The following C12orf50 variants were observed in gnomAD, a reference collection of about 807,000 sequenced individuals.
C12orf50 encodes zinc finger CCCH-type containing 11D.
A neutral mutation model predicts 61.6 loss-of-function variants in C12orf50; 35 were observed. That is an observed-to-expected ratio of 0.57 (90% CI 0.43 to 0.75). The LOEUF is 0.75. Among genes scored for constraint, C12orf50 ranks in the 30% least tolerant of loss-of-function variants. The probability of loss-of-function intolerance (pLI) is 0.00; values close to 1 mark genes in which losing one functional copy is unlikely to be tolerated. For synonymous variants in C12orf50, 178 were observed against 161.5 expected (o/e 1.10, Z -0.77); for missense variants, 475 against 488.5 (o/e 0.97, Z 0.26).
chr12:87,995,988 A>G (rs1270425908), intron 6 of C12orf50, among the ~76,000 whole-genome samples: 1 of 152,234 alleles, frequency 6.6e-6, no homozygotes, highest in Non-Finnish European at 1.5e-5. Context: ...CTGTTCTGCC[A>G]CTAGTGTCAT....
At chr12:88,002,729 C>T (rs931371856) in intron 3 of C12orf50, among the ~76,000 whole-genome samples, 2 of 151,574 alleles carry the variant, frequency 1.3e-5, no homozygotes, top group African/African-American at 4.8e-5. Flanking sequence ...TTTAGGTACA[C>T]TATTTTACTT....
chr12:87,999,226 C>T (rs1048462879), intron 3 of C12orf50, among the ~76,000 whole-genome samples: 2 of 152,042 alleles, frequency 1.3e-5, no homozygotes, highest in Non-Finnish European at 2.9e-5. Context: ...TAAATAAGAT[C>T]CAGCCTGGGC....
chr12:87,993,093 T>G (rs541285285), intron 7 of C12orf50, among the ~76,000 whole-genome samples: 1 of 152,164 alleles, frequency 6.6e-6, no homozygotes, highest in South Asian at 2.1e-4. Context: ...TGGAATTTTT[T>G]AAATATTCTT....
At chr12:87,997,633 A>G (rs879946281) in intron 4 of C12orf50, among the ~76,000 whole-genome samples, 2 of 151,216 alleles carry the variant, frequency 1.3e-5, no homozygotes, top group African/African-American at 4.9e-5. Flanking sequence ...TCATTGTTCA[A>G]CTCCCACCTA....
intron 12 of C12orf50, among the ~76,000 whole-genome samples, chr12:87,981,420 C>T (rs147454757): frequency 6.6e-6 from 1 of 152,220 alleles, no homozygotes; most frequent in Non-Finnish European, 1.5e-5. Context: ...GTATCTTAAT[C>T]ACCTGGGAAT....
At chr12:87,983,034 T>A (rs1483195575) in intron 12 of C12orf50, 69 bp downstream of exon 12, 1 of 882,560 alleles carries the variant, frequency 1.1e-6, no homozygotes, top group Non-Finnish European at 1.7e-6. Flanking sequence ...TCTAAAACAC[T>A]CCTTGCACTT....
rs775866275 is a variant in C12orf50 at position 88,028,251 on chromosome 12, T to C, written c.-109+1089A>G. On this transcript the variant is annotated intron_variant, in intron 1 of 12. Coordinates refer to ENST00000298699, the MANE Select transcript of C12orf50 (RefSeq NM_152589.3). ...CCCACCTGGGACATGAAATCTGTTATTATTCTTTATTATCCTAGCATTTAA... is the reference window on the plus strand; with the variant it reads ...CCCACCTGGGACATGAAATCTGTTACTATTCTTTATTATCCTAGCATTTAA... Among the ~76,000 whole-genome samples, 184 of 152,294 alleles carry C rather than the reference T, an allele frequency of 1.2e-3. 1 individual carries two copies. The highest frequency in any genetic ancestry group is 2.4e-3 in the Non-Finnish European group (161 of 68,010).
chr12:88,026,017 A>C (rs555883073), intron 3 of C12orf50, among the ~76,000 whole-genome samples: 1 of 152,174 alleles, frequency 6.6e-6, no homozygotes, highest in Non-Finnish European at 1.5e-5. Context: ...TTCCACAATT[A>C]AAGTGTTAGA....
In C12orf50 at chr12:88,018,155, G is replaced by A. The variant is rs563645725; in HGVS notation, c.133+8333C>T. Among the ~76,000 whole-genome samples, 5 of 152,244 alleles carry A rather than the reference G, an allele frequency of 3.3e-5. No individual in the cohort carries two copies. The South Asian group carries it at 1.0e-3, about 32-fold the overall frequency. ...CTCCTATCACAGGCCCAGAGACCTA[G>A]GAGGACAAAATGGTTTCATGGGCTA... On this transcript the variant is annotated intron_variant, in intron 3 of 12. Coordinates refer to ENST00000298699, the MANE Select transcript of C12orf50 (RefSeq NM_152589.3).
chr12:87,981,413 T>C (rs2030462718), intron 12 of C12orf50, among the ~76,000 whole-genome samples: 1 of 152,154 alleles, frequency 6.6e-6, no homozygotes. Context: ...TTAATGTGTA[T>C]CTTAATCACC....
chr12:87,999,705 A>T (rs1288843764), intron 3 of C12orf50, among the ~76,000 whole-genome samples: 1 of 152,160 alleles, frequency 6.6e-6, no homozygotes, highest in African/African-American at 2.4e-5. Context: ...TCTATATTAT[A>T]CAAATGTAAT....
chr12:87,982,988 A>G, intron 12 of C12orf50, 115 bp downstream of exon 12: 2 of 529,862 alleles, frequency 3.8e-6, no homozygotes, highest in East Asian at 3.1e-5. Flanking sequence ...TTAAGTGTGC[A>G]TGTATATCTT....
Position 87,987,833 on chromosome 12 carries a change from T to C in C12orf50, c.817+17A>G. 2 of 1,471,436 alleles carry C rather than the reference T, an allele frequency of 1.4e-6. No individual in the cohort carries two copies. Among genetic ancestry groups the C allele is most frequent in the Non-Finnish European group, 1.9e-6 (2 of 1,055,804 alleles). The allele number at this position is 1,471,436 out of a possible 1,614,324, so 91.1% of individuals were successfully genotyped here. A position where few individuals can be genotyped will look rare whatever the true frequency, so the allele number is the denominator to read the frequency against. On this transcript the variant is annotated intron_variant, in intron 9 of 12. Transcript: ENST00000298699. ...AAATATATCTGAGGCCAAAAAGTGA[T>C]AGAGCTAATGTCTCACTTGAAGAGG...
At chr12:87,981,537 G>A (rs896949402) in intron 12 of C12orf50, among the ~76,000 whole-genome samples, 1 of 152,170 alleles carries the variant, frequency 6.6e-6, no homozygotes, top group Admixed American at 6.5e-5. Flanking sequence ...CCATAGTTTA[G>A]TTAACAAGGA....
At chr12:87,989,450 A>G in intron 7 of C12orf50, 79 bp from the exon 8 acceptor site, 3 of 946,320 alleles carry the variant, frequency 3.2e-6, no homozygotes, top group South Asian at 1.4e-5. Context: ...AACATTTTCT[A>G]CAATACCCCT....
At chr12:88,009,999 G>A (rs138506258) in intron 3 of C12orf50, among the ~76,000 whole-genome samples, 30 of 152,120 alleles carry the variant, frequency 2.0e-4, no homozygotes, top group African/African-American at 7.2e-4. Flanking sequence ...TTGTGTGAGA[G>A]AGAAGTCCAT....
intron 3 of C12orf50, among the ~76,000 whole-genome samples, chr12:88,002,674 A>T (rs1230013274): frequency 1.3e-5 from 2 of 151,572 alleles, no homozygotes; most frequent in African/African-American, 4.8e-5. Flanking sequence ...TTTTGATTGA[A>T]TTTTTTACCC....
chr12:87,994,787 T>C (rs368987053), intron 6 of C12orf50, 44 bp from the exon 7 acceptor site: 63 of 1,242,532 alleles, frequency 5.1e-5, no homozygotes, highest in Non-Finnish European at 7.1e-5. Flanking sequence ...AATTATTAGA[T>C]GCTTAAATAA....
intron 3 of C12orf50, among the ~76,000 whole-genome samples, chr12:88,017,138 A>T (rs1302228767): frequency 6.6e-6 from 1 of 152,174 alleles, no homozygotes; most frequent in Non-Finnish European, 1.5e-5. Context: ...TAGTTTGACT[A>T]TGTCCCTACC....
Sources: gnomAD v4.1 joint callset for allele counts (sites outside exome capture counted in the v4.1 genomes callset) on GRCh38, gnomAD v4.1.1 for gene constraint, MANE v1.5 for transcripts, NCBI Gene and HGNC (gene_info 2026-07-23, HGNC 2026-07-21) for gene names.